The following HEPH variants were observed in gnomAD, a reference collection of about 807,000 sequenced individuals.
HEPH encodes hephaestin.
HEPH carries 69 observed loss-of-function variants against 80.8 expected under a neutral mutation model. The ratio of observed to expected loss-of-function variants is 0.85; its 90% CI spans 0.70 to 1.04. The LOEUF (loss-of-function observed/expected upper bound fraction) is 1.04, where lower values mean the gene tolerates loss of function less well. Ranked by LOEUF, HEPH falls within the 50% of genes least tolerant of loss-of-function variation. The pLI is 0.00. For missense variants in HEPH, 1,115 were observed against 891.3 expected, an observed-to-expected ratio of 1.25 and a Z score of -3.20; for synonymous variants, 431 against 322.8, an observed-to-expected ratio of 1.34 and a Z score of -3.60.
At chrX:66,248,317 T>A (rs1489354688) in intron 15 of HEPH, among the ~76,000 whole-genome samples, 3 of 112,333 alleles carry the variant, frequency 2.7e-5, no homozygotes, top group African/African-American at 9.7e-5. Context: ...TGTGATAACA[T>A]CTCATACTAT....
chrX:66,265,382 G>A (rs779560223), intron 20 of HEPH, among the ~76,000 whole-genome samples: 2 of 110,297 alleles, frequency 1.8e-5, no homozygotes, highest in Non-Finnish European at 3.8e-5. Context: ...ACATGTATTG[G>A]GTACTTCCTG....
intron 4 of HEPH, among the ~76,000 whole-genome samples, chrX:66,187,616 TG>T (rs2087536867): frequency 9.0e-6 from 1 of 111,724 alleles, no homozygotes; most frequent in Non-Finnish European, 1.9e-5. Flanking sequence ...TGGGTCTCTC[TG>T]CTGTGAATAC....
chrX:66,191,914 G>T (rs2087811707), intron 6 of HEPH, among the ~76,000 whole-genome samples: 1 of 111,268 alleles, frequency 9.0e-6, no homozygotes. Flanking sequence ...ATGCATCAGT[G>T]GTGGTATAAG....
chrX:66,197,880 G>A lies in HEPH; in HGVS notation c.1699G>A (p.Ala567Thr). 2 of 1,198,608 alleles carry A rather than the reference G, an allele frequency of 1.7e-6. No homozygotes were observed. The highest frequency in any genetic ancestry group is 1.8e-5 in the South Asian group (1 of 55,185). Residue 567 changes from alanine (A) to threonine (T), a missense_variant, in exon 10 of 21, where the codon GCA becomes ACA. Around this residue, in one of 3 missense-constraint regions of HEPH, gnomAD observed 716 missense variants for 523.5 expected, o/e 1.37. Coordinates refer to ENST00000343002, the MANE Select transcript of HEPH (RefSeq NM_001367233.3). ...LLVCRAGALGADGKQKGVDKE... is the reference protein window; with the variant it reads ...LLVCRAGALGTDGKQKGVDKE... ...GGTGTGCAGGGCTGGTGCCTTGGGT[G>A]CAGATGGCAAGCAGGTATTGTCAGG...
intron 19 of HEPH, 101 bp from the exon 20 acceptor site, chrX:66,263,543 C>A: frequency 1.1e-6 from 1 of 899,414 alleles, no homozygotes; most frequent in Non-Finnish European, 1.6e-6. Context: ...TACTTAATCA[C>A]AGAGAAATTT....
chrX:66,201,729 T>C (rs2088464138), intron 12 of HEPH, among the ~76,000 whole-genome samples: 1 of 112,255 alleles, frequency 8.9e-6, no homozygotes, highest in African/African-American at 3.2e-5. Flanking sequence ...AACCTAGTCC[T>C]GAGTTTGACA....
At chrX:66,173,860 A>G in intron 4 of HEPH, 59 bp downstream of exon 4, 2 of 884,761 alleles carry the variant, frequency 2.3e-6, no homozygotes, top group South Asian at 2.6e-5. Context: ...GGTAGCAGTG[A>G]TATGGTTGAA....
chrX:66,226,205 C>T (rs2089883135), intron 15 of HEPH, among the ~76,000 whole-genome samples: 1 of 112,163 alleles, frequency 8.9e-6, no homozygotes. Context: ...GGGCTGTCTG[C>T]TTATGGAATT....
At chrX:66,251,746 A>T (rs1418335424) in intron 15 of HEPH, among the ~76,000 whole-genome samples, 1 of 111,669 alleles carries the variant, frequency 9.0e-6, no homozygotes, top group Non-Finnish European at 1.9e-5. Context: ...GACAGGAATG[A>T]TCTCAATGTA....
At chrX:66,249,807 T>C (rs2090942087) in intron 15 of HEPH, among the ~76,000 whole-genome samples, 2 of 111,674 alleles carry the variant, frequency 1.8e-5, no homozygotes, top group South Asian at 7.5e-4. Context: ...ACAATTTGCA[T>C]TTCTACAAAT....
At position 66,196,896 on chromosome X, in the gene HEPH, CT is replaced by C. The variant is rs1215586565; in HGVS notation, c.1502-776del. On this transcript the variant is annotated intron_variant, in intron 9 of 20. Coordinates refer to ENST00000343002, the MANE Select transcript of HEPH (RefSeq NM_001367233.3). The stretch of plus-strand genomic sequence containing the variant: ...ATAGCTTTGTCTACATTTTGGTGTA[CT>C]TTTTTTTTTTCAAATTTTGTCTATA... Among the ~76,000 whole-genome samples, 121 of 95,260 alleles carry C rather than the reference CT, an allele frequency of 1.3e-3. No homozygotes were observed. The South Asian group carries it at 0.013, about 10-fold the overall frequency. 82.7% of individuals were successfully genotyped at this position (95,260 alleles called of 115,157 possible).
intron 10 of HEPH, 48 bp from the exon 11 acceptor site, chrX:66,198,829 CT>C: frequency 7.0e-6 from 7 of 996,831 alleles, no homozygotes; most frequent in Non-Finnish European, 9.9e-6. Context: ...TCTACAACTG[CT>C]GAAACTATTG....
intron 5 of HEPH, among the ~76,000 whole-genome samples, chrX:66,189,269 T>C (rs2087664072): frequency 8.9e-6 from 1 of 112,463 alleles, no homozygotes; most frequent in African/African-American, 3.2e-5. Flanking sequence ...CAATTGATTA[T>C]AAAAGCCATG....
intron 15 of HEPH, among the ~76,000 whole-genome samples, chrX:66,232,069 C>A (rs1404947789): frequency 9.2e-6 from 1 of 108,683 alleles, no homozygotes; most frequent in Non-Finnish European, 1.9e-5. Context: ...TGTTTATATG[C>A]TGGATTACAT....
chrX:66,164,949 C>G (rs772252606), intron 1 of HEPH, among the ~76,000 whole-genome samples: 12 of 112,229 alleles, frequency 1.1e-4, no homozygotes, highest in African/African-American at 3.9e-4. Flanking sequence ...TAGCAAAAAT[C>G]TTTTAGAAAT....
At chrX:66,236,355 G>T (rs777838311) in intron 15 of HEPH, among the ~76,000 whole-genome samples, 54 of 111,707 alleles carry the variant, frequency 4.8e-4, no homozygotes, top group African/African-American at 1.6e-3. Context: ...AGCCTTTCCT[G>T]CATCTATTGT....
intron 12 of HEPH, among the ~76,000 whole-genome samples, 176 bp downstream of exon 12, chrX:66,200,928 G>A (rs764689003): frequency 5.4e-5 from 6 of 111,465 alleles, no homozygotes; most frequent in Non-Finnish European, 1.1e-4. Context: ...TGGTTACTTG[G>A]ATTCCCTACT....
chrX:66,184,517 A>T (rs1353956047), intron 4 of HEPH, among the ~76,000 whole-genome samples: 1 of 35,495 alleles, frequency 2.8e-5, no homozygotes, highest in Non-Finnish European at 4.4e-5. Context: ...AGAGACTAGG[A>T]TTGCAACCCC....
intron 15 of HEPH, among the ~76,000 whole-genome samples, chrX:66,208,627 C>CATAT (rs2088932346): frequency 2.8e-5 from 1 of 35,785 alleles, no homozygotes; most frequent in Non-Finnish European, 5.0e-5. Context: ...CAAATATATA[C>CATAT]ATACATATAT....
Sources: gnomAD v4.1 joint callset for allele counts (sites outside exome capture counted in the v4.1 genomes callset) on GRCh38, gnomAD v4.1.1 for gene constraint, gnomAD v4.1.1 regional missense constraint, MANE v1.5 for transcripts, NCBI Gene and HGNC (gene_info 2026-07-23, HGNC 2026-07-21) for gene names.